The following ZNF730 variants were observed in gnomAD, a reference collection of about 807,000 sequenced individuals.
ZNF730 encodes putative zinc finger protein 730.
Under a neutral mutation model 12.6 loss-of-function variants are expected in ZNF730, and 12 were observed. The observed-to-expected ratio is 0.95, with a 90% CI of 0.61 to 1.54. The LOEUF (loss-of-function observed/expected upper bound fraction) is 1.54, where lower values mean the gene tolerates loss of function less well. Ranked by LOEUF, ZNF730 falls within the 40% of genes most tolerant of loss-of-function variation. The pLI, the probability that ZNF730 is intolerant of heterozygous loss-of-function variation, is 0.00. For missense variants in ZNF730, 643 were observed against 583.5 expected (o/e 1.10, Z -1.05); for synonymous variants, 194 against 195.8 (o/e 0.99, Z 0.08).
At chr19:23,106,215 A>G (rs906595558) in intron 1 of ZNF730, among the ~76,000 whole-genome samples, 2 of 151,298 alleles carry the variant, frequency 1.3e-5, no homozygotes, top group Non-Finnish European at 2.9e-5. Flanking sequence ...GGAAGAAAAA[A>G]GAGGAGGAGG....
At chr19:23,120,552 GT>G (rs890041476) in intron 1 of ZNF730, among the ~76,000 whole-genome samples, 9 of 151,444 alleles carry the variant, frequency 5.9e-5, no homozygotes, top group African/African-American at 1.9e-4. Context: ...TGTTTATTTG[GT>G]TCTTCTTTTT....
Position 23,144,700 on chromosome 19 carries a change from C to CAAAAAAAA in ZNF730, c.227-562_227-555dup, listed in dbSNP as rs57769795. On this transcript the variant is annotated intron_variant, in intron 3 of 3. Coordinates refer to ENST00000597761, the MANE Select transcript of ZNF730 (RefSeq NM_001277403.2). ...GGGTGACAGAGCAAGACTCTTGTCT[C>CAAAAAAAA]AAAAAAAAAAAAAAAATTAGTAATC... 1.2e-3 allele frequency among the ~76,000 whole-genome samples: 99 copies of CAAAAAAAA among 85,764 alleles called. 10 individuals carry two copies. Among genetic ancestry groups the CAAAAAAAA allele is most frequent in the Middle Eastern group, 6.3e-3 (1 of 158 alleles). The allele number at this position is 85,764 out of a possible 152,430, so 56.3% of individuals were successfully genotyped here.
At position 23,081,074 on chromosome 19, in the gene ZNF730, G is replaced by A. The variant is rs992457382; in HGVS notation, c.-94+5687G>A. Among the ~76,000 whole-genome samples, 5 of 151,372 alleles carry A rather than the reference G, an allele frequency of 3.3e-5. No individual in the cohort carries two copies. The East Asian group carries it at 5.9e-4, about 18-fold the overall frequency. On this transcript the variant is annotated intron_variant, in intron 1 of 2. Coordinates refer to the ZNF730 transcript ENST00000593635. ...TTGGCCAGACTGCTCTCGAACTCCC[G>A]ACCTCAGGTGATCCAGCCGCCTCTG... is the stretch of plus-strand genomic sequence containing the variant.
intron 1 of ZNF730, among the ~76,000 whole-genome samples, chr19:23,091,166 C>G (rs1970153842): frequency 6.6e-6 from 1 of 152,190 alleles, no homozygotes; most frequent in African/African-American, 2.4e-5. Context: ...GTGGAAGCCT[C>G]AAGCCTTGGT....
chr19:23,099,105 G>A (rs922300377), intron 1 of ZNF730, among the ~76,000 whole-genome samples: 4 of 152,100 alleles, frequency 2.6e-5, no homozygotes, highest in African/African-American at 4.8e-5. Context: ...CAGAACCCAC[G>A]GAGGAGTTCA....
At chr19:23,109,395 A>G (rs938634358) in intron 1 of ZNF730, among the ~76,000 whole-genome samples, 8 of 138,690 alleles carry the variant, frequency 5.8e-5, no homozygotes, top group Admixed American at 7.3e-5. Context: ...CGCCCAGCTA[A>G]TTTTTTTTTT....
rs570176260 is a variant in ZNF730 at position 23,146,756 on chromosome 19, A to G, written c.*200A>G. The G allele has an allele frequency of 4.5e-4, 499 of 1,111,054 alleles. 1 individual carries two copies. The African/African-American group carries it at 6.3e-3, about 14-fold the overall frequency. 68.8% of individuals were successfully genotyped at this position (1,111,054 alleles called of 1,614,324 possible). On this transcript the variant is annotated 3_prime_UTR_variant, in exon 4 of 4. Transcript: ENST00000597761. ...AAGAATGTGGCAAAGTCTTCAACCA[A>G]TCTTCACACCTTACTACACATAAGA...
upstream of ZNF730, among the ~76,000 whole-genome samples, chr19:23,113,950 GTTGTT>G (rs1382143979): frequency 1.3e-5 from 2 of 151,932 alleles, no homozygotes; most frequent in East Asian, 3.9e-4. Flanking sequence ...AAGTTTTTTT[GTTGTT>G]TTGTTTTGTT....
At chr19:23,096,036 C>T (rs541341887) in intron 1 of ZNF730, among the ~76,000 whole-genome samples, 1 of 152,256 alleles carries the variant, frequency 6.6e-6, no homozygotes, top group Admixed American at 6.5e-5. Flanking sequence ...TCTCTTCTTA[C>T]ACCTGGGCCA....
intron 2 of ZNF730, among the ~76,000 whole-genome samples, chr19:23,134,512 G>A (rs867697175): frequency 3.5e-5 from 5 of 143,028 alleles, no homozygotes; most frequent in Admixed American, 6.9e-5. Context: ...CGCCCCGTCC[G>A]GGAGGTGAGG....
At chr19:23,104,426 G>A (rs1374762685) in intron 1 of ZNF730, among the ~76,000 whole-genome samples, 1 of 151,814 alleles carries the variant, frequency 6.6e-6, no homozygotes, top group East Asian at 1.9e-4. Context: ...TTTGACTTTT[G>A]CTTGGTATAT....
At chr19:23,144,700 C>CAAAGAAAAAAAA (rs1970977786) in intron 3 of ZNF730, among the ~76,000 whole-genome samples, 1 of 85,782 alleles carries the variant, frequency 1.2e-5, no homozygotes, top group African/African-American at 4.0e-5. Flanking sequence ...ACTCTTGTCT[C>CAAAGAAAAAAAA]AAAAAAAAAA....
At chr19:23,097,697 G>T (rs951171541) in intron 1 of ZNF730, among the ~76,000 whole-genome samples, 1 of 152,156 alleles carries the variant, frequency 6.6e-6, no homozygotes. Flanking sequence ...CCTAGATTAT[G>T]TGACTCTCTT....
At chr19:23,101,533 T>C (rs1970335836) in intron 1 of ZNF730, among the ~76,000 whole-genome samples, 1 of 152,226 alleles carries the variant, frequency 6.6e-6, no homozygotes, top group South Asian at 2.1e-4. Context: ...GGTGTGATTG[T>C]ATGCATCTGC....
intron 1 of ZNF730, among the ~76,000 whole-genome samples, chr19:23,093,736 G>A (rs937146708): frequency 1.1e-4 from 17 of 152,194 alleles, no homozygotes; most frequent in Non-Finnish European, 2.2e-4. Context: ...TCACTAAGGG[G>A]CAGTCCCTGC....
At chr19:23,076,142 G>GA (rs1310968794) in intron 1 of ZNF730, among the ~76,000 whole-genome samples, 1 of 152,000 alleles carries the variant, frequency 6.6e-6, no homozygotes, top group African/African-American at 2.4e-5. Flanking sequence ...CTCAAATGTG[G>GA]GATATGAGAC....
chr19:23,117,832 A>C (rs141292309), intron 1 of ZNF730, among the ~76,000 whole-genome samples: 65 of 152,288 alleles, frequency 4.3e-4, no homozygotes, highest in Non-Finnish European at 6.9e-4. Flanking sequence ...GTTACGCCTA[A>C]ATTTTGTTTT....
intron 1 of ZNF730, among the ~76,000 whole-genome samples, chr19:23,104,033 G>A (rs973641990): frequency 2.6e-5 from 4 of 152,086 alleles, no homozygotes; most frequent in African/African-American, 4.8e-5. Flanking sequence ...ATTCAGGGCC[G>A]GGTGTGGTGG....
At chr19:23,076,842 ACC>A (rs1969870400) in intron 1 of ZNF730, among the ~76,000 whole-genome samples, 1 of 152,154 alleles carries the variant, frequency 6.6e-6, no homozygotes, top group Non-Finnish European at 1.5e-5. Flanking sequence ...TTGGGTATAT[ACC>A]CAAAATAATA....
Sources: allele counts gnomAD v4.1 joint callset (sites outside exome capture counted in the v4.1 genomes callset), GRCh38; gene constraint gnomAD v4.1.1; transcripts MANE v1.5; gene names NCBI Gene and HGNC (gene_info 2026-07-23, HGNC 2026-07-21).